RAP1GAP2: variants seen among roughly 807,000 people sequenced by gnomAD.
RAP1GAP2 encodes the protein RAP1 GTPase activating protein 2.
RAP1GAP2 carries 27 observed loss-of-function variants against 95.0 expected under a neutral mutation model. That is an observed-to-expected ratio of 0.28 (90% CI 0.21 to 0.39). RAP1GAP2 has a LOEUF of 0.39. Among genes scored for constraint, RAP1GAP2 ranks in the 10% least tolerant of loss-of-function variants. The pLI is 1.00. For missense variants in RAP1GAP2, 771 were observed against 970.0 expected (o/e 0.79, Z 2.72); for synonymous variants, 373 against 380.9 (o/e 0.98, Z 0.24).
rs764219672 is a variant in RAP1GAP2, at chr17:3,005,369, GT to G, written c.1202del (p.Val401AlafsTer152). 1 of 1,613,622 alleles carries G rather than the reference GT, an allele frequency of 6.2e-7. No homozygotes were observed. Among genetic ancestry groups the G allele is most frequent in the Non-Finnish European group, 8.5e-7 (1 of 1,179,672 alleles). On this transcript the variant is annotated frameshift_variant and splice_region_variant, in exon 15 of 25. Coordinates refer to ENST00000254695, the MANE Select transcript of RAP1GAP2 (RefSeq NM_015085.5). LOFTEE classifies it high-confidence loss of function. This position sits in a 1 kb window ranked among gnomAD's most constrained non-coding sequence, Gnocchi z 5.2. ...TPGTETPSYK[V>X]SVTAREDVPT... ...CGTACCATGACTCTGTTTCACTCAG[GT>G]CTCTGTCACTGCGCGGGAAGATGTG...
chr17:2,769,232 TA>T (rs58436827), intron 1 of RAP1GAP2, among the ~76,000 whole-genome samples: 40 of 42,906 alleles, frequency 9.3e-4, no homozygotes, highest in Non-Finnish European at 9.4e-4. Context: ...ACCATTTCTC[TA>T]AAAAAAAAAA....
chr17:2,835,116 G>A (rs978552143), intron 2 of RAP1GAP2, among the ~76,000 whole-genome samples: 14 of 150,724 alleles, frequency 9.3e-5, no homozygotes, highest in Non-Finnish European at 1.8e-4. Flanking sequence ...TAGAGACAGG[G>A]ATTCACCGTG....
intron 2 of RAP1GAP2, among the ~76,000 whole-genome samples, chr17:2,891,604 TATCCTCCCA>T (rs1238983211): frequency 1.3e-5 from 2 of 151,656 alleles, no homozygotes; most frequent in African/African-American, 4.9e-5. Context: ...CTAGTGATAG[TATCCTCCCA>T]AGAAAGGGTG....
At position 3,008,850 on chromosome 17, in the gene RAP1GAP2, T is replaced by C. The variant is rs1348479177; in HGVS notation, c.1494+705T>C. ...TGGCTCGAGCCTGGCTGTCAGCCTGTGCAGGTGGCGGAACGGGTCTTGTTA... is the reference window on the plus strand; with the variant it reads ...TGGCTCGAGCCTGGCTGTCAGCCTGCGCAGGTGGCGGAACGGGTCTTGTTA... On this transcript the variant is annotated intron_variant, in intron 17 of 24. Transcript: ENST00000254695. This position sits in a 1 kb window ranked among gnomAD's most constrained non-coding sequence, Gnocchi z 4.2. 6.6e-6 allele frequency among the ~76,000 whole-genome samples: 1 copy of C among 152,156 alleles called. No individual in the cohort carries two copies. Among genetic ancestry groups the C allele is most frequent in the African/African-American group, 2.4e-5 (1 of 41,432 alleles).
rs530729190 is a variant in RAP1GAP2 at position 2,778,713 on chromosome 17, G to A, written c.-14+1435G>A. ...AGCTCCATCACCTACTGCTGTGGCC[G>A]CACCTGCATTCCCCTCAATGGGAGC... On this transcript the variant is annotated intron_variant, in intron 1 of 24. Transcript: ENST00000540393. Among the ~76,000 whole-genome samples, 9 of 152,298 alleles carry A rather than the reference G, an allele frequency of 5.9e-5. No individual in the cohort carries two copies. The East Asian group carries it at 1.4e-3, about 23-fold the overall frequency.
chr17:2,905,754 G>C (rs1477535641), intron 3 of RAP1GAP2, among the ~76,000 whole-genome samples: 1 of 152,188 alleles, frequency 6.6e-6, no homozygotes, highest in Non-Finnish European at 1.5e-5. Flanking sequence ...TGGTCTGCCG[G>C]CCTCTGGCTG....
intron 3 of RAP1GAP2, among the ~76,000 whole-genome samples, chr17:2,934,458 T>C (rs185660799): frequency 6.6e-6 from 1 of 152,342 alleles, no homozygotes; most frequent in East Asian, 1.9e-4. Flanking sequence ...TGAACTCTTC[T>C]GGTTCTTGCA....
At chr17:2,998,717 C>T (rs2046051654) in intron 14 of RAP1GAP2, among the ~76,000 whole-genome samples, 1 of 150,446 alleles carries the variant, frequency 6.6e-6, no homozygotes, top group East Asian at 2.0e-4. Flanking sequence ...TTGGTAATGC[C>T]ATTTGCTCGC....
At chr17:2,819,011 T>C (rs1482733685) in intron 2 of RAP1GAP2, among the ~76,000 whole-genome samples, 3 of 151,904 alleles carry the variant, frequency 2.0e-5, no homozygotes, top group Admixed American at 1.3e-4. Context: ...GTCCACATGG[T>C]TGTAAAGTCT....
chr17:2,888,509 C>T (rs2073576939), intron 2 of RAP1GAP2, among the ~76,000 whole-genome samples: 1 of 152,262 alleles, frequency 6.6e-6, no homozygotes, highest in Non-Finnish European at 1.5e-5. Flanking sequence ...TGCATGAGAA[C>T]CCACAGTGTG....
intron 3 of RAP1GAP2, among the ~76,000 whole-genome samples, chr17:2,945,121 C>T (rs1409421972): frequency 6.6e-6 from 1 of 152,192 alleles, no homozygotes; most frequent in Non-Finnish European, 1.5e-5. Context: ...GTGATCCACC[C>T]GCCTCGGCCT....
At chr17:2,993,837 C>A (rs2045863149) in intron 12 of RAP1GAP2, among the ~76,000 whole-genome samples, 1 of 152,098 alleles carries the variant, frequency 6.6e-6, no homozygotes, top group Non-Finnish European at 1.5e-5. Context: ...GAGTTTGAGA[C>A]CAGCCTGGGC....
At chr17:3,026,318 C>A in intron 20 of RAP1GAP2, 32 bp from the exon 21 acceptor site, 1 of 1,521,616 alleles carries the variant, frequency 6.6e-7, no homozygotes, top group Non-Finnish European at 8.9e-7. Context: ...TCGCGTGTGA[C>A]CCGGGCTGGC....
At chr17:2,756,370 C>G (rs950863083) in intron 1 of RAP1GAP2, among the ~76,000 whole-genome samples, 1 of 152,216 alleles carries the variant, frequency 6.6e-6, no homozygotes, top group Non-Finnish European at 1.5e-5. Context: ...AGTCCTGGCC[C>G]GCTGGGAAGT....
At chr17:2,796,195 C>G (rs2069075454), upstream of RAP1GAP2, among the ~76,000 whole-genome samples, 1 of 152,146 alleles carries the variant, frequency 6.6e-6, no homozygotes, top group African/African-American at 2.4e-5. The surrounding 1 kb of genome is among the most constrained non-coding windows in gnomAD (Gnocchi z 4.7). Context: ...TTCCAGGAAG[C>G]TGGGGCTGTG....
intron 2 of RAP1GAP2, among the ~76,000 whole-genome samples, chr17:2,840,681 GATTATATCC>G (rs1567698483): frequency 6.6e-6 from 1 of 151,874 alleles, no homozygotes; most frequent in Non-Finnish European, 1.5e-5. Context: ...TATGAGAAAT[GATTATATCC>G]ATTTATGATG....
At chr17:2,807,840 G>A (rs1383591231) in intron 2 of RAP1GAP2, among the ~76,000 whole-genome samples, 4 of 152,144 alleles carry the variant, frequency 2.6e-5, no homozygotes, top group African/African-American at 9.7e-5. Context: ...TGGTGAGCTC[G>A]AGTCTGAGAG....
chr17:2,871,098 G>T lies in RAP1GAP2; in HGVS notation c.81-34186G>T, dbSNP rs1024141986. ...TGCTTCCCAAGTAGCTGGAATTCCAGGCATGCGCCGCCACACCTGGCTAAT... is the reference window on the plus strand; with the variant it reads ...TGCTTCCCAAGTAGCTGGAATTCCATGCATGCGCCGCCACACCTGGCTAAT... On this transcript the variant is annotated intron_variant, in intron 2 of 24. Coordinates refer to ENST00000254695, the MANE Select transcript of RAP1GAP2 (RefSeq NM_015085.5). The surrounding 1 kb of genome is among the most constrained non-coding windows in gnomAD (Gnocchi z 5.0). Among the ~76,000 whole-genome samples, 5 of 152,212 alleles carry T rather than the reference G, an allele frequency of 3.3e-5. No individual in the cohort carries two copies. Among genetic ancestry groups the T allele is most frequent in the Non-Finnish European group, 7.3e-5 (5 of 68,044 alleles).
intron 3 of RAP1GAP2, among the ~76,000 whole-genome samples, chr17:2,943,830 A>G (rs200468133): frequency 6.6e-6 from 1 of 152,022 alleles, no homozygotes; most frequent in Non-Finnish European, 1.5e-5. Context: ...ATATCACCTC[A>G]GACCTGTTAG....
Sources: allele counts gnomAD v4.1 joint callset (sites outside exome capture counted in the v4.1 genomes callset), GRCh38; gene constraint gnomAD v4.1.1; non-coding constraint Gnocchi (gnomAD v3.1); transcripts MANE v1.5; gene names NCBI Gene and HGNC (gene_info 2026-07-23, HGNC 2026-07-21).